Variants in RBMS3 observed in about 807,000 individuals in gnomAD.
RBMS3 encodes the protein RNA-binding motif, single-stranded-interacting protein 3.
A neutral mutation model predicts 66.8 loss-of-function variants in RBMS3; 27 were observed. The ratio of observed to expected loss-of-function variants is 0.40; its 90% confidence interval spans 0.30 to 0.56. The LOEUF is 0.56. RBMS3 is among the 20% of genes least tolerant of loss of function. The pLI is 0.40. For missense variants in RBMS3, 513 were observed against 549.5 expected (o/e 0.93, Z 0.66); for synonymous variants, 188 against 183.0 (o/e 1.03, Z -0.22).
intron 7 of RBMS3, among the ~76,000 whole-genome samples, chr3:29,879,623 T>C (rs2149571313): frequency 6.6e-6 from 1 of 152,284 alleles, no homozygotes; most frequent in South Asian, 2.1e-4. Context: ...TATTTGTTTG[T>C]AATTTACCCA....
At chr3:29,448,177 T>C (rs1007425160) in intron 2 of RBMS3, among the ~76,000 whole-genome samples, 3 of 152,214 alleles carry the variant, frequency 2.0e-5, no homozygotes, top group Non-Finnish European at 4.4e-5. Flanking sequence ...TTATTGCATA[T>C]TAGGTGTCCT....
chr3:29,398,747 G>A (rs2039668624), intron 1 of RBMS3, among the ~76,000 whole-genome samples: 1 of 152,062 alleles, frequency 6.6e-6, no homozygotes, highest in African/African-American at 2.4e-5. Flanking sequence ...CAGGTGCCAA[G>A]TGATGCAAAA....
intron 13 of RBMS3, among the ~76,000 whole-genome samples, chr3:29,989,343 C>T (rs1698666895): frequency 6.6e-6 from 1 of 152,004 alleles, no homozygotes; most frequent in Non-Finnish European, 1.5e-5. Context: ...TACCTATATT[C>T]TTCTTTCTGG....
intron 3 of RBMS3, among the ~76,000 whole-genome samples, chr3:29,531,533 A>T (rs1217561241): frequency 6.6e-6 from 1 of 152,254 alleles, no homozygotes; most frequent in East Asian, 1.9e-4. Context: ...ATTTGAAAAG[A>T]AAACCTTGTC....
intron 1 of RBMS3, among the ~76,000 whole-genome samples, chr3:29,296,959 A>G (rs770869570): frequency 1.3e-5 from 2 of 151,508 alleles, no homozygotes; most frequent in Non-Finnish European, 3.0e-5. Context: ...ACCCACACTT[A>G]AAAATCATTA....
intron 4 of RBMS3, among the ~76,000 whole-genome samples, chr3:29,644,389 T>C (rs2049840103): frequency 6.6e-6 from 1 of 152,200 alleles, no homozygotes; most frequent in Non-Finnish European, 1.5e-5. Flanking sequence ...TATATGCCAC[T>C]AGGGGCTGCA....
chr3:29,417,821 T>C (rs1457523241), intron 1 of RBMS3, among the ~76,000 whole-genome samples: 1 of 152,162 alleles, frequency 6.6e-6, no homozygotes, highest in East Asian at 1.9e-4. Context: ...AAATAAAGTA[T>C]ATAATCAGAA....
At chr3:29,500,310 A>G (rs912562346) in intron 3 of RBMS3, among the ~76,000 whole-genome samples, 10 of 151,274 alleles carry the variant, frequency 6.6e-5, no homozygotes, top group Non-Finnish European at 8.8e-5. Flanking sequence ...ACAAGAGGAC[A>G]ACTTAACAAG....
At chr3:29,491,258 G>A (rs1040586287) in intron 3 of RBMS3, among the ~76,000 whole-genome samples, 15 of 152,040 alleles carry the variant, frequency 9.9e-5, no homozygotes, top group Admixed American at 3.3e-4. Flanking sequence ...CCCTATCCAC[G>A]CTATTTTGCA....
At chr3:29,814,746 A>G (rs1016263785) in intron 6 of RBMS3, among the ~76,000 whole-genome samples, 3 of 152,140 alleles carry the variant, frequency 2.0e-5, no homozygotes, top group African/African-American at 7.2e-5. Flanking sequence ...CCACGTGCAC[A>G]TTGTGCACAT....
chr3:29,516,381 A>G (rs191936195), intron 3 of RBMS3, among the ~76,000 whole-genome samples: 12 of 152,338 alleles, frequency 7.9e-5, no homozygotes, highest in African/African-American at 2.9e-4. Context: ...AAGTTGATGA[A>G]ATCACTAAGA....
At chr3:29,933,448 T>C (rs1010815504) in intron 10 of RBMS3, among the ~76,000 whole-genome samples, 1 of 151,134 alleles carries the variant, frequency 6.6e-6, no homozygotes, top group East Asian at 1.9e-4. Context: ...CCAGACAAAG[T>C]ATCATTAAGA....
At chr3:29,470,098 T>C (rs2042671845) in intron 2 of RBMS3, among the ~76,000 whole-genome samples, 1 of 150,274 alleles carries the variant, frequency 6.7e-6, no homozygotes, top group Non-Finnish European at 1.5e-5. Context: ...TGAAATATAA[T>C]AAATTATAAC....
chr3:29,739,944 T>C (rs767330929), intron 5 of RBMS3, 67 bp downstream of exon 5: 2 of 1,271,988 alleles, frequency 1.6e-6, no homozygotes, highest in South Asian at 2.5e-5. Flanking sequence ...ATTCCTTTTT[T>C]AGTACTAGAG....
intron 1 of RBMS3, among the ~76,000 whole-genome samples, chr3:29,331,886 A>C (rs2035686375): frequency 1.4e-5 from 2 of 142,856 alleles, no homozygotes; most frequent in Admixed American, 1.5e-4. Context: ...GCTGTTTCTG[A>C]AACTGGCTTG....
chr3:29,761,076 G>T (rs2055664889), intron 5 of RBMS3, among the ~76,000 whole-genome samples: 1 of 152,072 alleles, frequency 6.6e-6, no homozygotes, highest in Non-Finnish European at 1.5e-5. Flanking sequence ...ATATGACAAT[G>T]TAGATCCCTT....
chr3:29,998,293 A>C (rs1242150676), intron 14 of RBMS3, among the ~76,000 whole-genome samples: 1 of 152,236 alleles, frequency 6.6e-6, no homozygotes, highest in African/African-American at 2.4e-5. Context: ...AGAACATTCC[A>C]TGCTCATGGG....
intron 4 of RBMS3, among the ~76,000 whole-genome samples, chr3:29,701,075 G>A (rs945306531): frequency 1.3e-5 from 2 of 152,152 alleles, no homozygotes; most frequent in Middle Eastern, 3.4e-3. Flanking sequence ...CCAGGAGTTC[G>A]AGACCAGCCT....
intron 3 of RBMS3, among the ~76,000 whole-genome samples, chr3:29,502,500 A>C (rs761240397): frequency 2.6e-5 from 4 of 152,224 alleles, no homozygotes; most frequent in Middle Eastern, 3.4e-3. Context: ...TTTGATAGAA[A>C]CATGTAGTAG....
Sources: allele counts gnomAD v4.1 joint callset (sites outside exome capture counted in the v4.1 genomes callset), GRCh38; gene constraint gnomAD v4.1.1; transcripts MANE v1.5; gene names NCBI Gene and HGNC (gene_info 2026-07-23, HGNC 2026-07-21).